Variants in HIBCH observed in about 807,000 individuals in gnomAD.
HIBCH encodes the protein 3-hydroxyisobutyryl-CoA hydrolase.
HIBCH carries 50 observed loss-of-function variants against 58.2 expected under a neutral mutation model. The observed-to-expected ratio is 0.86, with a 90% confidence interval of 0.68 to 1.09. HIBCH has a LOEUF of 1.09. HIBCH is among the 50% of genes least tolerant of loss of function. HIBCH has a pLI of 0.00. For synonymous variants in HIBCH, 151 were observed against 146.9 expected (o/e 1.03, Z -0.20); for missense variants, 450 against 449.7 (o/e 1.00, Z -0.01).
intron 6 of HIBCH, among the ~76,000 whole-genome samples, chr2:190,278,153 T>C (rs1202820424): frequency 3.9e-5 from 6 of 151,994 alleles, no homozygotes; most frequent in Admixed American, 3.9e-4. Flanking sequence ...TTGTTAGAAA[T>C]GCAAATTCTT....
chr2:190,309,968 G>A (rs991097117), intron 2 of HIBCH, among the ~76,000 whole-genome samples: 5 of 152,172 alleles, frequency 3.3e-5, no homozygotes, highest in African/African-American at 1.2e-4. Flanking sequence ...TGGACTGGGA[G>A]AGGCAGACCC....
downstream of HIBCH, chr2:190,200,331 T>TTTCTGTTTAGTCTTAGATTTTAGTCATC (rs1690191704): frequency 6.7e-6 from 4 of 596,518 alleles, no homozygotes; most frequent in Non-Finnish European, 6.0e-6. Context: ...TTAACAGCAA[T>TTTCTGTTTAGTCTTAGATTTTAGTCATC]TTCTGTTTAG....
intron 6 of HIBCH, among the ~76,000 whole-genome samples, chr2:190,266,241 A>G (rs1193662314): frequency 2.0e-5 from 3 of 152,238 alleles, no homozygotes; most frequent in Non-Finnish European, 4.4e-5. Context: ...GTGCATGTTC[A>G]TTAGGTCAAG....
chr2:190,262,664 C>T (rs1330627665), intron 6 of HIBCH, among the ~76,000 whole-genome samples: 1 of 152,210 alleles, frequency 6.6e-6, no homozygotes, highest in Non-Finnish European at 1.5e-5. Context: ...GGGCCCTCTC[C>T]ACCTCCTGAA....
rs1688354793 is a variant in HIBCH at position 190,304,550 on chromosome 2, C to A, written c.78+6204G>T. On this transcript the variant is annotated intron_variant, in intron 2 of 13. Coordinates refer to ENST00000359678, the MANE Select transcript of HIBCH (RefSeq NM_014362.4). This position sits in a 1 kb window ranked among gnomAD's most constrained non-coding sequence, Gnocchi z 4.1. The stretch of plus-strand genomic sequence containing the variant: ...CTCCCAAAGGCCTTACCTTTCAATA[C>A]ATCCACACTGGGGGTTAAATTTCGA... Among the ~76,000 whole-genome samples the A allele has an allele frequency of 6.6e-6, 1 of 152,200 alleles. No homozygotes were observed. Among genetic ancestry groups the A allele is most frequent in the Non-Finnish European group, 1.5e-5 (1 of 68,028 alleles).
chr2:190,213,413 A>G, intron 11 of HIBCH: 1 of 297,878 alleles, frequency 3.4e-6, no homozygotes, highest in Non-Finnish European at 6.4e-6. Context: ...ATATTCATGG[A>G]GTATAGAAAA....
intron 2 of HIBCH, among the ~76,000 whole-genome samples, chr2:190,300,574 T>C (rs943586377): frequency 1.3e-5 from 2 of 152,178 alleles, no homozygotes; most frequent in Admixed American, 6.5e-5. Flanking sequence ...CTTTGTCAGA[T>C]GCATAGTTTG....
intron 1 of HIBCH, among the ~76,000 whole-genome samples, chr2:190,312,012 G>A (rs1688570921): frequency 6.6e-6 from 1 of 152,166 alleles, no homozygotes; most frequent in Non-Finnish European, 1.5e-5. Flanking sequence ...CTATCCCAAT[G>A]CTGATTACAG....
intron 1 of HIBCH, among the ~76,000 whole-genome samples, chr2:190,192,161 G>C (rs943956609): frequency 6.6e-6 from 1 of 151,914 alleles, no homozygotes; most frequent in East Asian, 1.9e-4. Context: ...TTTGGTGGGG[G>C]GAGAGTATGT....
At chr2:190,247,983 T>C (rs896817508) in intron 9 of HIBCH, among the ~76,000 whole-genome samples, 11 of 152,370 alleles carry the variant, frequency 7.2e-5, no homozygotes, top group African/African-American at 1.9e-4. Flanking sequence ...ACTAGCTTTA[T>C]TGCCATGGTG....
At position 190,236,218 on chromosome 2, in the gene HIBCH, T is replaced by C. The variant is rs1053972663; in HGVS notation, c.891+8669A>G. Among the ~76,000 whole-genome samples, 1 of 152,178 alleles carries C rather than the reference T, an allele frequency of 6.6e-6. No homozygotes were observed. The highest frequency in any genetic ancestry group is 1.5e-5 in the Non-Finnish European group (1 of 68,038). On this transcript the variant is annotated intron_variant, in intron 11 of 13. Coordinates refer to ENST00000359678, the MANE Select transcript of HIBCH (RefSeq NM_014362.4). This position sits in a 1 kb window ranked among gnomAD's most constrained non-coding sequence, Gnocchi z 4.1. ...AGCTGTGTTGTGTTGTTGTAAGGCT[T>C]AAATGGGAAATATCTCTTGGCATTT...
Position 190,306,283 on chromosome 2 carries a change from G to T in HIBCH, c.78+4471C>A, listed in dbSNP as rs553102014. ...GAAATTTCTCTGTACCTTACTGCTGGGTGTGCTATGAATAGGTATGCCATG... is the reference window on the plus strand; with the variant it reads ...GAAATTTCTCTGTACCTTACTGCTGTGTGTGCTATGAATAGGTATGCCATG... On this transcript the variant is annotated intron_variant, in intron 2 of 13. Coordinates refer to ENST00000359678, the MANE Select transcript of HIBCH (RefSeq NM_014362.4). The surrounding 1 kb of genome is among the most constrained non-coding windows in gnomAD (Gnocchi z 4.6). 1.7e-4 allele frequency among the ~76,000 whole-genome samples: 26 copies of T among 152,148 alleles called. No homozygotes were observed. Among genetic ancestry groups the T allele is most frequent in the Admixed American group, 1.4e-3 (22 of 15,282 alleles).
At position 190,281,622 on chromosome 2, in the gene HIBCH, G is replaced by A. The variant is rs1377626350; in HGVS notation, c.438+5964C>T. Among the ~76,000 whole-genome samples, 3 of 152,142 alleles carry A rather than the reference G, an allele frequency of 2.0e-5. No homozygotes were observed. The highest frequency in any genetic ancestry group is 2.9e-5 in the Non-Finnish European group (2 of 68,042). On this transcript the variant is annotated intron_variant, in intron 6 of 13. Transcript: ENST00000359678. This position sits in a 1 kb window ranked among gnomAD's most constrained non-coding sequence, Gnocchi z 5.4. ...GCAAAAATTGCTGCGCCACACCTTG[G>A]TTTCCTCTCCCAAAAAGTTTTTTCA...
intron 9 of HIBCH, among the ~76,000 whole-genome samples, chr2:190,249,407 A>G (rs1354252520): frequency 3.3e-5 from 5 of 152,230 alleles, no homozygotes; most frequent in African/African-American, 4.8e-5. Flanking sequence ...TATGCACTGA[A>G]GTTAACCAGC....
In HIBCH at chr2:190,292,202, G is replaced by A. The variant is rs376484902; in HGVS notation, c.305-1717C>T. Among the ~76,000 whole-genome samples, 14 of 152,172 alleles carry A rather than the reference G, an allele frequency of 9.2e-5. No homozygotes were observed. In the East Asian group the frequency reaches 1.5e-3, roughly 17 times the overall value. On this transcript the variant is annotated intron_variant, in intron 4 of 13. Transcript: ENST00000359678. ...TCACTATATTGGCCAGGCCGGTCTC[G>A]AACTCCCAACCTCAGGTGATCTGCC...
intron 11 of HIBCH, among the ~76,000 whole-genome samples, chr2:190,226,970 G>A (rs1005976760): frequency 6.6e-6 from 1 of 152,200 alleles, no homozygotes; most frequent in African/African-American, 2.4e-5. Context: ...TCATGGATGG[G>A]AAGAATCAAT....
Position 190,304,336 on chromosome 2 carries a change from G to GC in HIBCH, c.78+6417dup, listed in dbSNP as rs1225744422. On this transcript the variant is annotated intron_variant, in intron 2 of 13. Transcript: ENST00000359678. This position sits in a 1 kb window ranked among gnomAD's most constrained non-coding sequence, Gnocchi z 4.1. ...AGTCAAAAGGATACATCTAGTGAGG[G>GC]CCTTCTTACTGGTGGGGACTCTGCA... Among the ~76,000 whole-genome samples, 1 of 151,992 alleles carries GC rather than the reference G, an allele frequency of 6.6e-6. No individual in the cohort carries two copies. The highest frequency in any genetic ancestry group is 1.5e-5 in the Non-Finnish European group (1 of 68,000).
At position 190,217,775 on chromosome 2, in the gene HIBCH, A is replaced by C. The variant is rs1323141223; in HGVS notation, c.892-4700T>G. Among the ~76,000 whole-genome samples, 1 of 152,268 alleles carries C rather than the reference A, an allele frequency of 6.6e-6. No homozygotes were observed. Among genetic ancestry groups the C allele is most frequent in the South Asian group, 2.1e-4 (1 of 4,822 alleles). On this transcript the variant is annotated intron_variant, in intron 11 of 13. Coordinates refer to ENST00000359678, the MANE Select transcript of HIBCH (RefSeq NM_014362.4). This position sits in a 1 kb window ranked among gnomAD's most constrained non-coding sequence, Gnocchi z 4.6. ...CCGTAACAAGTGCTCCTAATCACTA[A>C]AACAGCCACATAAACAGCTGAACCG...
intron 6 of HIBCH, among the ~76,000 whole-genome samples, chr2:190,271,282 CTT>C (rs35074167): frequency 8.5e-4 from 71 of 83,776 alleles, no homozygotes; most frequent in East Asian, 2.4e-3. Context: ...CTCTACCCTA[CTT>C]TTTTTTTTTT....
Sources: allele counts gnomAD v4.1 joint callset (sites outside exome capture counted in the v4.1 genomes callset), GRCh38; gene constraint gnomAD v4.1.1; non-coding constraint Gnocchi (gnomAD v3.1); transcripts MANE v1.5; gene names NCBI Gene and HGNC (gene_info 2026-07-23, HGNC 2026-07-21).